RAMP1: variants seen among roughly 807,000 people sequenced by gnomAD.
The protein encoded by RAMP1 is receptor activity modifying protein 1, also known as receptor activity-modifying protein 1.
A neutral mutation model predicts 8.2 loss-of-function variants in RAMP1; 7 were observed. The ratio of observed to expected loss-of-function variants is 0.85; its 90% CI spans 0.49 to 1.60. The LOEUF (loss-of-function observed/expected upper bound fraction) is 1.60. Ranked by LOEUF, RAMP1 falls within the 40% of genes most tolerant of loss-of-function variation. The probability of loss-of-function intolerance (pLI) is 0.00; values close to 1 mark genes in which losing one functional copy is unlikely to be tolerated. For missense variants in RAMP1, 192 were observed against 202.4 expected (o/e 0.95, Z 0.31); for synonymous variants, 92 against 84.7 (o/e 1.09, Z -0.47).
chr2:237,905,304 C>T (rs1180513669), intron 2 of RAMP1, among the ~76,000 whole-genome samples: 3 of 152,200 alleles, frequency 2.0e-5, no homozygotes, highest in South Asian at 2.1e-4. Context: ...GAGCTCACAA[C>T]ATTTATTGAA....
In RAMP1 at chr2:237,859,674, C is replaced by T. The variant is rs2150999583; in HGVS notation, c.-2C>T. On this transcript the variant is annotated 5_prime_UTR_variant, in exon 1 of 3. Coordinates refer to ENST00000254661, the MANE Select transcript of RAMP1 (RefSeq NM_005855.4). ...GGACTCGACTCGGCACCGCTGTGCA[C>T]CATGGCCCGGGCCCTGTGCCGCCTC... 6 of 1,502,938 alleles carry T rather than the reference C, an allele frequency of 4.0e-6. No individual in the cohort carries two copies. Among genetic ancestry groups the T allele is most frequent in the Non-Finnish European group, 5.3e-6 (6 of 1,126,928 alleles). The allele number at this position is 1,502,938 out of a possible 1,614,324, so 93.1% of individuals were successfully genotyped here.
rs921253225 is a variant in RAMP1, at chr2:237,865,820, G to A, written c.52+6093G>A. On this transcript the variant is annotated intron_variant, in intron 1 of 2. Transcript: ENST00000254661. The surrounding 1 kb of genome is among the most constrained non-coding windows in gnomAD (Gnocchi z 4.2). ...GGACAGAGAAGGAAACGGGCCCCAG[G>A]CACCACTGGGCACCTTGACATGATT... Among the ~76,000 whole-genome samples the A allele has an allele frequency of 1.3e-5, 2 of 152,150 alleles. No homozygotes were observed. Among genetic ancestry groups the A allele is most frequent in the African/African-American group, 4.8e-5 (2 of 41,424 alleles).
intron 2 of RAMP1, among the ~76,000 whole-genome samples, chr2:237,894,513 T>C (rs1173685810): frequency 6.6e-6 from 1 of 152,180 alleles, no homozygotes; most frequent in Admixed American, 6.5e-5. Flanking sequence ...TCCTCAGACC[T>C]GGGGCAGCCA....
chr2:237,903,479 G>T (rs1227004439), intron 2 of RAMP1, among the ~76,000 whole-genome samples: 1 of 152,112 alleles, frequency 6.6e-6, no homozygotes, highest in Non-Finnish European at 1.5e-5. Context: ...ATTGCTATGA[G>T]TGCCTGCCTC....
intron 1 of RAMP1, among the ~76,000 whole-genome samples, chr2:237,871,818 G>A (rs189372165): frequency 3.9e-5 from 6 of 152,222 alleles, no homozygotes; most frequent in East Asian, 1.9e-4. Flanking sequence ...CCAAGAGAGC[G>A]CCAGTGCACT....
At chr2:237,885,747 C>A (rs957617875) in intron 2 of RAMP1, among the ~76,000 whole-genome samples, 1 of 152,224 alleles carries the variant, frequency 6.6e-6, no homozygotes, top group Admixed American at 6.5e-5. Flanking sequence ...CTGCACCAGG[C>A]GTGAAGCCAG....
Position 237,861,084 on chromosome 2 carries a change from G to A in RAMP1, c.52+1357G>A, listed in dbSNP as rs1039957975. On this transcript the variant is annotated intron_variant, in intron 1 of 2. Coordinates refer to ENST00000254661, the MANE Select transcript of RAMP1 (RefSeq NM_005855.4). Reference sequence around the variant, plus strand: ...CTTTGTTAGCAAGGCAGAGAGCTGGGTTGTGGAATATTTTTTACATAAATA... The same window carrying A: ...CTTTGTTAGCAAGGCAGAGAGCTGGATTGTGGAATATTTTTTACATAAATA... Among the ~76,000 whole-genome samples, 5 of 152,152 alleles carry A rather than the reference G, an allele frequency of 3.3e-5. No individual in the cohort carries two copies. In the East Asian group the frequency reaches 7.7e-4, roughly 23 times the overall value.
rs538813051 is a variant in RAMP1 at position 237,865,230 on chromosome 2, C to A, written c.52+5503C>A. On this transcript the variant is annotated intron_variant, in intron 1 of 2. Coordinates refer to ENST00000254661, the MANE Select transcript of RAMP1 (RefSeq NM_005855.4). This position sits in a 1 kb window ranked among gnomAD's most constrained non-coding sequence, Gnocchi z 4.2. ...TGAAGAACAGCACCTGGCAGAGCTC[C>A]TGGGGGAGTAGGGAGGGCAGGGCAG... is the stretch of plus-strand genomic sequence containing the variant. Among the ~76,000 whole-genome samples the A allele has an allele frequency of 2.2e-3, 318 of 142,102 alleles. 2 individuals are homozygous for A. Among genetic ancestry groups the A allele is most frequent in the Non-Finnish European group, 3.0e-3 (193 of 65,066 alleles). The allele number at this position is 142,102 out of a possible 152,430, so 93.2% of individuals were successfully genotyped here.
intron 2 of RAMP1, among the ~76,000 whole-genome samples, chr2:237,881,609 G>A (rs2062369133): frequency 6.6e-6 from 1 of 152,244 alleles, no homozygotes; most frequent in African/African-American, 2.4e-5. Context: ...AGTTGTTACT[G>A]TCTGATAAGT....
chr2:237,872,144 A>G (rs1347305392), intron 1 of RAMP1, among the ~76,000 whole-genome samples: 1 of 152,178 alleles, frequency 6.6e-6, no homozygotes, highest in Non-Finnish European at 1.5e-5. Context: ...AGGATTGAGT[A>G]TGGATCGAGC....
chr2:237,879,989 CAAAAA>C lies in RAMP1; in HGVS notation c.191+2645_191+2649del, dbSNP rs35678960. On this transcript the variant is annotated intron_variant, in intron 2 of 2. Transcript: ENST00000254661. ...TGAGGGACAGAGTGAGACTTTGTCT[CAAAAA>C]AAAAAAAAAAAAAAAAATCAAGATA... Among the ~76,000 whole-genome samples the C allele has an allele frequency of 7.9e-5, 6 of 75,864 alleles. No homozygotes were observed. The South Asian group carries it at 2.7e-3, about 34-fold the overall frequency. The allele number at this position is 75,864 out of a possible 152,430, so 49.8% of individuals were successfully genotyped here.
chr2:237,909,887 T>C (rs575085012), intron 2 of RAMP1, among the ~76,000 whole-genome samples: 228 of 152,218 alleles, frequency 1.5e-3, no homozygotes, highest in Non-Finnish European at 2.8e-3. Context: ...GCTCACCCGC[T>C]GTGGCTTCGA....
chr2:237,901,647 C>T (rs1318049689), intron 2 of RAMP1, among the ~76,000 whole-genome samples: 1 of 152,048 alleles, frequency 6.6e-6, no homozygotes, highest in African/African-American at 2.4e-5. Context: ...GAATCTGGGA[C>T]AGGTGTAATG....
intron 2 of RAMP1, among the ~76,000 whole-genome samples, chr2:237,902,333 G>GCT (rs2062608554): frequency 6.8e-6 from 1 of 147,990 alleles, no homozygotes; most frequent in African/African-American, 2.5e-5. Context: ...GAGGGATCAG[G>GCT]GGGTGGAGGA....
intron 2 of RAMP1, among the ~76,000 whole-genome samples, chr2:237,906,808 C>T (rs747435620): frequency 6.6e-5 from 10 of 150,422 alleles, no homozygotes; most frequent in South Asian, 2.1e-4. Context: ...CTGCAACCTC[C>T]GCCTCCCAGG....
rs2062169155 is a variant in RAMP1 at position 237,864,705 on chromosome 2, G to A, written c.52+4978G>A. ...ACCCAGGGCAGCTCCCCCAGAGGAT[G>A]ATCCCACACCAAATGTCCATAGTGC... On this transcript the variant is annotated intron_variant, in intron 1 of 2. Transcript: ENST00000254661. Among the ~76,000 whole-genome samples the A allele has an allele frequency of 3.3e-5, 5 of 152,226 alleles. No homozygotes were observed. In the South Asian group the frequency reaches 8.3e-4, roughly 25 times the overall value.
intron 2 of RAMP1, among the ~76,000 whole-genome samples, chr2:237,885,367 A>G (rs1576545629): frequency 6.6e-6 from 1 of 152,044 alleles, no homozygotes. Context: ...CCTGGAGCCC[A>G]CCCACCTCCC....
In RAMP1 at chr2:237,877,475, G is replaced by T. The variant is rs914336435; in HGVS notation, c.191+113G>T. On this transcript the variant is annotated intron_variant, in intron 2 of 2. Transcript: ENST00000254661. The surrounding 1 kb of genome is among the most constrained non-coding windows in gnomAD (Gnocchi z 4.4). ...GAAGATCCTTTCTAGACCCCGGAAGGGTTCTTCCCCCAGTGGGGGGGGCCG... is the reference window on the plus strand; with the variant it reads ...GAAGATCCTTTCTAGACCCCGGAAGTGTTCTTCCCCCAGTGGGGGGGGCCG... 1.1e-5 allele frequency: 15 copies of T among 1,417,802 alleles called. No homozygotes were observed. The highest frequency in any genetic ancestry group is 9.5e-5 in the East Asian group (4 of 42,160). 87.8% of individuals were successfully genotyped at this position (1,417,802 alleles called of 1,614,324 possible). A position where few individuals can be genotyped will look rare whatever the true frequency, so the allele number is the denominator to read the frequency against.
intron 1 of RAMP1, among the ~76,000 whole-genome samples, chr2:237,875,881 C>A (rs2062298180): frequency 1.3e-5 from 2 of 152,054 alleles, no homozygotes; most frequent in East Asian, 3.9e-4. Context: ...CCCCCAGGTG[C>A]ACCTCCAGGG....
Sources: gnomAD v4.1 joint callset for allele counts (sites outside exome capture counted in the v4.1 genomes callset) on GRCh38, gnomAD v4.1.1 for gene constraint, Gnocchi (gnomAD v3.1) non-coding constraint, MANE v1.5 for transcripts, NCBI Gene and HGNC (gene_info 2026-07-23, HGNC 2026-07-21) for gene names.